PLD1: variants seen among roughly 807,000 people sequenced by gnomAD.
The protein encoded by PLD1 is phospholipase D1, also known as choline phosphatase 1.
A neutral mutation model predicts 137.1 loss-of-function variants in PLD1; 112 were observed. That is an observed-to-expected ratio of 0.82 (90% CI 0.70 to 0.96). The LOEUF (loss-of-function observed/expected upper bound fraction) is 0.96, where lower values mean the gene tolerates loss of function less well. Among genes scored for constraint, PLD1 ranks in the 40% least tolerant of loss-of-function variants. PLD1 has a pLI of 0.00. For missense variants in PLD1, 1,321 were observed against 1,342.0 expected (o/e 0.98, Z 0.24); for synonymous variants, 431 against 454.7 (o/e 0.95, Z 0.66).
intron 1 of PLD1, among the ~76,000 whole-genome samples, chr3:171,751,379 A>G (rs892493607): frequency 1.3e-5 from 2 of 152,234 alleles, no homozygotes; most frequent in African/African-American, 4.8e-5. Context: ...TTACACACAC[A>G]CACACAAAAT....
At chr3:171,723,039 C>T (rs961943804) in intron 8 of PLD1, among the ~76,000 whole-genome samples, 59 of 152,234 alleles carry the variant, frequency 3.9e-4, no homozygotes, top group African/African-American at 1.3e-3. Context: ...GTAAAACATA[C>T]AATTAAATTA....
intron 1 of PLD1, chr3:171,792,946 C>A: frequency 3.2e-6 from 1 of 314,640 alleles, no homozygotes; most frequent in Non-Finnish European, 6.2e-6. Flanking sequence ...GTGGGGCTCT[C>A]AAAACACATG....
chr3:171,607,194 T>C (rs1180973355), intron 25 of PLD1, among the ~76,000 whole-genome samples: 1 of 152,148 alleles, frequency 6.6e-6, no homozygotes. Flanking sequence ...GAGAATAACT[T>C]TTTTTAAAAA....
At chr3:171,741,686 GT>G (rs1219980582) in intron 1 of PLD1, among the ~76,000 whole-genome samples, 3 of 152,136 alleles carry the variant, frequency 2.0e-5, no homozygotes, top group Non-Finnish European at 4.4e-5. Context: ...GCAAATAAGG[GT>G]TTTTTTATTC....
At chr3:171,714,536 G>A (rs952277068) in intron 8 of PLD1, among the ~76,000 whole-genome samples, 4 of 152,176 alleles carry the variant, frequency 2.6e-5, no homozygotes, top group African/African-American at 9.7e-5. Context: ...ACAAAGTAAA[G>A]CACTCTAGGC....
At chr3:171,732,574 T>A (rs757451288) in intron 6 of PLD1, among the ~76,000 whole-genome samples, 1 of 152,186 alleles carries the variant, frequency 6.6e-6, no homozygotes, top group Non-Finnish European at 1.5e-5. Flanking sequence ...TACACTAAAG[T>A]CTTTACTGTT....
intron 7 of PLD1, 137 bp downstream of exon 7, chr3:171,725,881 C>T: frequency 1.5e-6 from 1 of 648,622 alleles, no homozygotes; most frequent in Admixed American, 2.6e-5. Flanking sequence ...ATAATTCCAT[C>T]AGTTGCTCTA....
intron 8 of PLD1, among the ~76,000 whole-genome samples, chr3:171,717,976 G>A (rs1416056397): frequency 2.6e-5 from 4 of 152,176 alleles, no homozygotes; most frequent in Non-Finnish European, 5.9e-5. Flanking sequence ...TGCATCTATT[G>A]AGATAATCAG....
chr3:171,778,793 T>C (rs769330289), intron 1 of PLD1, among the ~76,000 whole-genome samples: 5 of 152,246 alleles, frequency 3.3e-5, no homozygotes, highest in Admixed American at 6.5e-5. Flanking sequence ...TTGCATAGTT[T>C]CATTTACGTT....
chr3:171,785,237 G>A (rs1328690302), intron 1 of PLD1, among the ~76,000 whole-genome samples: 1 of 152,144 alleles, frequency 6.6e-6, no homozygotes, highest in Non-Finnish European at 1.5e-5. Flanking sequence ...ACCGAATACG[G>A]TATGAGTTAC....
At chr3:171,628,455 C>T (rs1316440684) in intron 23 of PLD1, among the ~76,000 whole-genome samples, 2 of 152,216 alleles carry the variant, frequency 1.3e-5, no homozygotes, top group East Asian at 3.9e-4. Flanking sequence ...GGTACCATTC[C>T]TTCTGAAACT....
chr3:171,794,552 A>T (rs970483727), intron 1 of PLD1, among the ~76,000 whole-genome samples: 1 of 152,184 alleles, frequency 6.6e-6, no homozygotes, highest in African/African-American at 2.4e-5. Context: ...CAAACACTAT[A>T]ATCACATCGT....
intron 25 of PLD1, among the ~76,000 whole-genome samples, chr3:171,610,645 T>C (rs994958352): frequency 2.0e-5 from 3 of 152,220 alleles, no homozygotes; most frequent in Non-Finnish European, 4.4e-5. Context: ...AGATATAACA[T>C]ACATTCCAGC....
chr3:171,626,428 G>A (rs1329724307), intron 23 of PLD1, among the ~76,000 whole-genome samples: 3 of 152,086 alleles, frequency 2.0e-5, no homozygotes, highest in Non-Finnish European at 4.4e-5. Context: ...AAAACACTCT[G>A]CAGGATATTA....
intron 23 of PLD1, among the ~76,000 whole-genome samples, chr3:171,622,149 G>T (rs995196349): frequency 2.6e-5 from 4 of 152,150 alleles, no homozygotes; most frequent in African/African-American, 9.6e-5. Context: ...GCTTTTCAAA[G>T]GAATCATGGA....
intron 25 of PLD1, among the ~76,000 whole-genome samples, chr3:171,608,664 G>A (rs372281352): frequency 2.0e-5 from 3 of 152,252 alleles, no homozygotes; most frequent in South Asian, 4.1e-4. Context: ...AGATAAGAGA[G>A]GCGAAGAGTC....
chr3:171,730,725 G>A (rs958431214), intron 6 of PLD1, among the ~76,000 whole-genome samples: 8 of 146,190 alleles, frequency 5.5e-5, no homozygotes, highest in South Asian at 2.1e-4. Flanking sequence ...TGCAACCTCC[G>A]CCTCCCGGGT....
intron 19 of PLD1, among the ~76,000 whole-genome samples, chr3:171,664,339 T>C (rs1251392344): frequency 6.6e-6 from 1 of 152,190 alleles, no homozygotes; most frequent in Non-Finnish European, 1.5e-5. Context: ...CTAAGGAACA[T>C]AGCACTGAAA....
chr3:171,766,329 G>A (rs965089589), intron 1 of PLD1, among the ~76,000 whole-genome samples: 1 of 152,036 alleles, frequency 6.6e-6, no homozygotes, highest in Non-Finnish European at 1.5e-5. Context: ...AAGTAATCAT[G>A]TTTAAAATAC....
Sources: allele counts gnomAD v4.1 joint callset (sites outside exome capture counted in the v4.1 genomes callset), GRCh38; gene constraint gnomAD v4.1.1; transcripts MANE v1.5; gene names NCBI Gene and HGNC (gene_info 2026-07-23, HGNC 2026-07-21).